ADAM10: variants seen among roughly 807,000 people sequenced by gnomAD.
ADAM10 encodes ADAM metallopeptidase domain 10.
In ADAM10, 17 loss-of-function variants were observed where a neutral mutation model predicts 90.1. That is an observed-to-expected ratio of 0.19 (90% CI 0.13 to 0.28). The LOEUF (loss-of-function observed/expected upper bound fraction) is 0.28. Ranked by LOEUF, ADAM10 falls within the 10% of genes least tolerant of loss-of-function variation. The probability of loss-of-function intolerance (pLI) is 1.00; values close to 1 mark genes in which losing one functional copy is unlikely to be tolerated. For missense variants in ADAM10, 610 were observed against 914.3 expected (o/e 0.67, Z 4.29); for synonymous variants, 310 against 298.6 (o/e 1.04, Z -0.40).
intron 3 of ADAM10, 132 bp downstream of exon 3, chr15:58,682,064 T>C (rs1369474844): frequency 1.8e-5 from 22 of 1,233,350 alleles, no homozygotes; most frequent in Non-Finnish European, 2.4e-5. Flanking sequence ...CAAAGACCAT[T>C]ACCCTTCATA....
At chr15:58,686,671 T>A in intron 2 of ADAM10, 1 of 712,458 alleles carries the variant, frequency 1.4e-6, no homozygotes, top group South Asian at 1.5e-5. Flanking sequence ...AAGTGATGAA[T>A]GACTGCCTTC....
At chr15:58,661,610 G>A (rs1896968910) in intron 5 of ADAM10, among the ~76,000 whole-genome samples, 1 of 151,936 alleles carries the variant, frequency 6.6e-6, no homozygotes, top group Non-Finnish European at 1.5e-5. Context: ...TAATTTAATT[G>A]TAACATACCC....
At chr15:58,609,712 A>C (rs1323921444) in intron 14 of ADAM10, 1 of 154,936 alleles carries the variant, frequency 6.5e-6, no homozygotes, top group Non-Finnish European at 1.4e-5. Context: ...GTCAATCTTG[A>C]CAATCTTTTA....
intron 14 of ADAM10, 103 bp from the exon 15 acceptor site, chr15:58,599,827 A>C: frequency 8.4e-7 from 1 of 1,190,688 alleles, no homozygotes; most frequent in South Asian, 1.3e-5. Flanking sequence ...AGTATATTGT[A>C]ATTTTTAAAG....
intron 10 of ADAM10, among the ~76,000 whole-genome samples, chr15:58,623,897 G>A (rs1447606822): frequency 6.6e-6 from 1 of 151,562 alleles, no homozygotes; most frequent in Non-Finnish European, 1.5e-5. Context: ...GGGTTGATAG[G>A]TGCAGTAAAC....
chr15:58,718,985 T>C (rs1057219981), intron 1 of ADAM10, among the ~76,000 whole-genome samples: 7 of 152,150 alleles, frequency 4.6e-5, no homozygotes, highest in South Asian at 2.1e-4. Flanking sequence ...AACCTTACTG[T>C]TTCCCCTCTC....
At position 58,597,345 on chromosome 15, in the gene ADAM10, T is replaced by A. The variant is rs202149244; in HGVS notation, c.*202A>T. On this transcript the variant is annotated 3_prime_UTR_variant, in exon 16 of 16. Transcript: ENST00000260408. ...GTTCATAAGAAAATTGGGTTCCTTTTCCACCTCCCACCCCCAAATTGGAAT... is the reference window on the plus strand; with the variant it reads ...GTTCATAAGAAAATTGGGTTCCTTTACCACCTCCCACCCCCAAATTGGAAT... 9 of 1,531,194 alleles carry A rather than the reference T, an allele frequency of 5.9e-6. No homozygotes were observed. Among genetic ancestry groups the A allele is most frequent in the Non-Finnish European group, 1.8e-6 (2 of 1,139,172 alleles). 94.9% of individuals were successfully genotyped at this position (1,531,194 alleles called of 1,614,324 possible).
chr15:58,724,591 G>T (rs1264867315), intron 1 of ADAM10, among the ~76,000 whole-genome samples: 1 of 152,200 alleles, frequency 6.6e-6, no homozygotes, highest in African/African-American at 2.4e-5. Context: ...TGAGTTCAGG[G>T]AGATCAGGTA....
chr15:58,630,467 A>G (rs1293789250), intron 9 of ADAM10, among the ~76,000 whole-genome samples: 1 of 152,228 alleles, frequency 6.6e-6, no homozygotes, highest in Non-Finnish European at 1.5e-5. Context: ...TATCAGCAAT[A>G]TTAGAAAGTA....
At chr15:58,672,079 G>A (rs1198884885) in intron 4 of ADAM10, among the ~76,000 whole-genome samples, 3 of 152,124 alleles carry the variant, frequency 2.0e-5, no homozygotes, top group Non-Finnish European at 2.9e-5. Flanking sequence ...ATAAAAGATA[G>A]TTCTCAAAAG....
chr15:58,627,564 G>C, intron 10 of ADAM10, 136 bp downstream of exon 10: 1 of 735,230 alleles, frequency 1.4e-6, no homozygotes, highest in East Asian at 2.7e-5. Flanking sequence ...GAAATAACGA[G>C]ATAAAGGGAA....
intron 8 of ADAM10, among the ~76,000 whole-genome samples, chr15:58,640,430 AG>A (rs1408499317): frequency 6.6e-6 from 1 of 152,110 alleles, no homozygotes; most frequent in African/African-American, 2.4e-5. Context: ...CCTATTTTGG[AG>A]GGGAAAAAAG....
intron 2 of ADAM10, among the ~76,000 whole-genome samples, chr15:58,694,443 T>G (rs1378954879): frequency 6.6e-6 from 1 of 151,318 alleles, no homozygotes; most frequent in Non-Finnish European, 1.5e-5. Flanking sequence ...AGAACAACAC[T>G]CCCTTTCAAA....
intron 14 of ADAM10, among the ~76,000 whole-genome samples, chr15:58,608,356 A>G (rs1176613847): frequency 6.6e-6 from 1 of 152,218 alleles, no homozygotes; most frequent in African/African-American, 2.4e-5. Context: ...ACTAACTGGA[A>G]GGGCACTTCC....
At chr15:58,653,458 G>A (rs1447841979) in intron 5 of ADAM10, among the ~76,000 whole-genome samples, 3 of 152,066 alleles carry the variant, frequency 2.0e-5, no homozygotes, top group Non-Finnish European at 4.4e-5. Flanking sequence ...TGCTTTTTCA[G>A]CATCAATTGA....
chr15:58,683,087 T>A (rs1449653349), intron 2 of ADAM10, among the ~76,000 whole-genome samples: 4 of 152,174 alleles, frequency 2.6e-5, no homozygotes, highest in Non-Finnish European at 5.9e-5. Flanking sequence ...AAAATTACTT[T>A]AAATATTAGA....
chr15:58,673,848 C>T (rs1393513177), intron 4 of ADAM10, among the ~76,000 whole-genome samples: 3 of 151,998 alleles, frequency 2.0e-5, no homozygotes, highest in African/African-American at 4.8e-5. Context: ...CATTCTCCTG[C>T]CTCAGCCTCT....
chr15:58,685,573 T>TA (rs1319572209), intron 2 of ADAM10, among the ~76,000 whole-genome samples: 1 of 142,944 alleles, frequency 7.0e-6, no homozygotes, highest in Non-Finnish European at 1.5e-5. Flanking sequence ...TATATATATA[T>TA]ATATATATAT....
rs1432702288 is a variant in ADAM10, at chr15:58,589,119, T to C, written c.*8428A>G. The C allele has an allele frequency of 5.3e-5, 8 of 152,342 alleles. No homozygotes were observed. Among genetic ancestry groups the C allele is most frequent in the Admixed American group, 5.2e-4 (8 of 15,306 alleles). The allele number at this position is 152,342 out of a possible 1,614,324, so 9.4% of individuals were successfully genotyped here. On this transcript the variant is annotated 3_prime_UTR_variant, in exon 16 of 16. Transcript: ENST00000260408. ...TGCCTATCTTGTGAAATCAGCTTCA[T>C]TGCCTATTTACAAAGCACACAACAA... is the stretch of plus-strand genomic sequence containing the variant.
Sources: gnomAD v4.1 joint callset for allele counts (sites outside exome capture counted in the v4.1 genomes callset) on GRCh38, gnomAD v4.1.1 for gene constraint, MANE v1.5 for transcripts, NCBI Gene and HGNC (gene_info 2026-07-23, HGNC 2026-07-21) for gene names.